The following ACSM4 variants were observed in gnomAD, a reference collection of about 807,000 sequenced individuals.
The protein encoded by ACSM4 is acyl-CoA synthetase medium chain family member 4, also known as acyl-coenzyme A synthetase ACSM4, mitochondrial.
Under a neutral mutation model 73.0 loss-of-function variants are expected in ACSM4, and 66 were observed. That is an observed-to-expected ratio of 0.90 (90% CI 0.74 to 1.11). ACSM4 has a LOEUF of 1.11. Among genes scored for constraint, ACSM4 ranks in the 50% least tolerant of loss-of-function variants. ACSM4 has a pLI of 0.00. For missense variants in ACSM4, 645 were observed against 714.4 expected, an observed-to-expected ratio of 0.90 and a Z score of 1.11; for synonymous variants, 222 against 254.0, an observed-to-expected ratio of 0.87 and a Z score of 1.20.
chr12:7,310,709 A>C lies in ACSM4; in HGVS notation c.583A>C (p.Ser195Arg). The C allele has an allele frequency of 6.2e-7, 1 of 1,613,552 alleles. No homozygotes were observed. ...LKTKLLVSPQ[S>R]WNGWLSFQEL... ...GACAAAACTCCTGGTGTCTCCACAA[A>C]GCTGGAATGGGTGGCTCAGCTTCCA... Residue 195 changes from serine (S) to arginine (R), a missense_variant, in exon 3 of 13, where the codon AGC (serine) becomes CGC (arginine). Transcript: ENST00000399422.
intron 2 of ACSM4, among the ~76,000 whole-genome samples, chr12:7,306,992 C>T (rs1276260754): frequency 3.9e-5 from 6 of 152,146 alleles, no homozygotes; most frequent in South Asian, 2.1e-4. Context: ...TGGTGGCTCA[C>T]GCCTGTAAGC....
At chr12:7,316,586 T>C (rs1235127228) in intron 3 of ACSM4, among the ~76,000 whole-genome samples, 4 of 152,200 alleles carry the variant, frequency 2.6e-5, no homozygotes, top group Non-Finnish European at 5.9e-5. Context: ...CTTGATTGCC[T>C]GATACTTGAA....
In ACSM4 at chr12:7,304,467, A is replaced by C. The variant is rs1946350503; in HGVS notation, c.136A>C (p.Arg46=). The C allele has an allele frequency of 6.2e-7, 1 of 1,614,008 alleles. No individual in the cohort carries two copies. Among genetic ancestry groups the C allele is most frequent in the African/African-American group, 1.3e-5 (1 of 75,056 alleles). Residue 46 remains arginine, a synonymous_variant, in exon 1 of 13, where the codon AGG becomes CGG. Transcript: ENST00000399422. ...CTTTGAAGCCATAAATCGCTGTAAC[A>C]GGCCATTGCCTAAAAACTTTAACTT... The part of the protein sequence containing the change: ...ADFEAINRCN[R]PLPKNFNFAA...
At chr12:7,316,359 C>CT (rs1365282886) in intron 3 of ACSM4, among the ~76,000 whole-genome samples, 2 of 152,194 alleles carry the variant, frequency 1.3e-5, no homozygotes, top group Non-Finnish European at 2.9e-5. Context: ...CACAACAATA[C>CT]TTAAAGGCCA....
chr12:7,323,502 G>T lies in ACSM4; in HGVS notation c.1250G>T (p.Gly417Val). Residue 417 changes from glycine (G) to valine (V), a missense_variant, in exon 9 of 13, where the codon GGG becomes GTG. By Grantham distance (109) the Gly-to-Val change is moderately radical. Transcript: ENST00000399422. ...NGNVLPPGKE[G>V]EIALRLKPTR... ...AATGTTCTACCACCTGGCAAAGAAG[G>T]GGAAATTGCCCTCAGACTCAAACCT... 6.2e-7 allele frequency: 1 copy of T among 1,613,850 alleles called. No homozygotes were observed. The highest frequency in any genetic ancestry group is 1.1e-5 in the South Asian group (1 of 91,080).
At chr12:7,318,714 G>A (rs1946439394) in intron 5 of ACSM4, among the ~76,000 whole-genome samples, 1 of 152,180 alleles carries the variant, frequency 6.6e-6, no homozygotes, top group South Asian at 2.1e-4. Context: ...GCTAGATTGA[G>A]ATATCAGATA....
At position 7,326,974 on chromosome 12, in the gene ACSM4, A is replaced by C; in HGVS notation, c.1537-2A>C. 9 of 1,595,114 alleles carry C rather than the reference A, an allele frequency of 5.6e-6. No individual in the cohort carries two copies. The highest frequency in any genetic ancestry group is 7.7e-6 in the Non-Finnish European group (9 of 1,173,796). Reference sequence around the variant, plus strand: ...CAAGATAAATTAACTTTTCTGTTGCAGGTGGTGAAAGCTTTTGTTGTCTTA... The same window carrying C: ...CAAGATAAATTAACTTTTCTGTTGCCGGTGGTGAAAGCTTTTGTTGTCTTA... On this transcript the variant is annotated splice_acceptor_variant, in intron 11 of 12. Transcript: ENST00000399422. LOFTEE classifies it high-confidence loss of function.
In ACSM4 at chr12:7,327,296, T is replaced by C. The variant is rs59358642; in HGVS notation, c.1656+201T>C. 5.7e-3 allele frequency among the ~76,000 whole-genome samples: 872 copies of C among 152,328 alleles called. 9 individuals carry two copies. The highest frequency in any genetic ancestry group is 0.02 in the African/African-American group (828 of 41,582). The stretch of plus-strand genomic sequence containing the variant: ...GTGAATTATAAACCAGAACCTTTAA[T>C]CAACTCTGCAATACTGAATCACTAC... On this transcript the variant is annotated intron_variant, in intron 12 of 12. Transcript: ENST00000399422.
chr12:7,306,743 G>T lies in ACSM4; in HGVS notation c.412G>T (p.Gly138Trp). 1 of 1,606,620 alleles carries T rather than the reference G, an allele frequency of 6.2e-7. No individual in the cohort carries two copies. Among genetic ancestry groups the T allele is most frequent in the Non-Finnish European group, 8.5e-7 (1 of 1,176,698 alleles). ...GGTCAATGTAGCTTGCATACGAACA[G>T]GTCAGTGCCAATATTAGCATTCTAA... Reference protein sequence around the residue: ...WLVNVACIRTGIIFMPGTIQL... With the variant: ...WLVNVACIRTWIIFMPGTIQL... Residue 138 changes from glycine (G) to tryptophan (W), a missense_variant and splice_region_variant, in exon 2 of 13, where the codon GGG becomes TGG. Gly to Trp is a radical substitution (Grantham distance 184). Transcript: ENST00000399422.
chr12:7,324,288 A>C lies in ACSM4; in HGVS notation c.1324A>C (p.Thr442Pro), dbSNP rs1213066209. 1 of 1,612,876 alleles carries C rather than the reference A, an allele frequency of 6.2e-7. No homozygotes were observed. The highest frequency in any genetic ancestry group is 8.5e-7 in the Non-Finnish European group (1 of 1,179,638). ...FSKYVDNPQK[T>P]AATIRGDFYV... ...TGGTTCCCAGGACAATCCACAGAAAACTGCTGCCACGATAAGAGGAGATTT... is the reference window on the plus strand; with the variant it reads ...TGGTTCCCAGGACAATCCACAGAAACCTGCTGCCACGATAAGAGGAGATTT... Residue 442 changes from threonine to proline, a missense_variant, in exon 10 of 13, where the codon ACT becomes CCT. Thr to Pro is a conservative substitution (Grantham distance 38). Coordinates refer to ENST00000399422, the MANE Select transcript of ACSM4 (RefSeq NM_001080454.2).
At position 7,327,300 on chromosome 12, in the gene ACSM4, C is replaced by T. The variant is rs369647379; in HGVS notation, c.1656+205C>T. ...ATTATAAACCAGAACCTTTAATCAA[C>T]TCTGCAATACTGAATCACTACTAAG... is the stretch of plus-strand genomic sequence containing the variant. On this transcript the variant is annotated intron_variant, in intron 12 of 12. Transcript: ENST00000399422. 4.0e-4 allele frequency among the ~76,000 whole-genome samples: 61 copies of T among 152,280 alleles called. 2 individuals are homozygous for T. The South Asian group carries it at 0.012, about 31-fold the overall frequency.
intron 1 of ACSM4, among the ~76,000 whole-genome samples, chr12:7,305,830 T>G (rs1946358718): frequency 6.6e-6 from 1 of 152,052 alleles, no homozygotes; most frequent in Non-Finnish European, 1.5e-5. Flanking sequence ...GCATTCCAGA[T>G]AGGGGAAAGA....
chr12:7,316,057 CCAGATT>C (rs1005105023), intron 3 of ACSM4, among the ~76,000 whole-genome samples: 5 of 152,094 alleles, frequency 3.3e-5, no homozygotes, highest in African/African-American at 1.2e-4. Flanking sequence ...TGAGATCACC[CCAGATT>C]CAAAGAGAGA....
Position 7,328,574 on chromosome 12 carries a change from T to C in ACSM4, c.*201T>C, listed in dbSNP as rs1218748201. 5.8e-6 allele frequency: 2 copies of C among 347,060 alleles called. No homozygotes were observed. Among genetic ancestry groups the C allele is most frequent in the African/African-American group, 4.4e-5 (2 of 45,968 alleles). 21.5% of individuals were successfully genotyped at this position (347,060 alleles called of 1,614,324 possible). ...AAAAACGTATGGATGAAAATTGTTA[T>C]AATGACCAAACTGACAAAGGTAATG... On this transcript the variant is annotated 3_prime_UTR_variant, in exon 13 of 13. Transcript: ENST00000399422.
At chr12:7,321,030 G>C (rs894558265) in intron 6 of ACSM4, among the ~76,000 whole-genome samples, 2 of 152,122 alleles carry the variant, frequency 1.3e-5, no homozygotes, top group Admixed American at 6.5e-5. Context: ...CTCCCCATTT[G>C]TGAAAATCAA....
At chr12:7,325,254 A>G (rs752235109) in intron 11 of ACSM4, among the ~76,000 whole-genome samples, 1 of 152,390 alleles carries the variant, frequency 6.6e-6, no homozygotes, top group East Asian at 1.9e-4. Context: ...AGTTACTAAA[A>G]AGGAGGAACA....
chr12:7,309,609 C>T (rs1301152534), intron 2 of ACSM4, among the ~76,000 whole-genome samples: 1 of 152,096 alleles, frequency 6.6e-6, no homozygotes, highest in Non-Finnish European at 1.5e-5. Flanking sequence ...CACTATGTTG[C>T]CCAGGCTGGT....
intron 3 of ACSM4, among the ~76,000 whole-genome samples, chr12:7,315,957 C>T (rs1010940865): frequency 7.9e-5 from 12 of 152,200 alleles, no homozygotes; most frequent in African/African-American, 2.6e-4. Context: ...TAAGTTACCC[C>T]GCAGGGAAAA....
intron 3 of ACSM4, among the ~76,000 whole-genome samples, chr12:7,314,559 T>C (rs1361410711): frequency 6.6e-6 from 1 of 152,094 alleles, no homozygotes; most frequent in Non-Finnish European, 1.5e-5. Context: ...GATAGGTAGA[T>C]AGGTGGATGG....
Sources: gnomAD v4.1 joint callset for allele counts (sites outside exome capture counted in the v4.1 genomes callset) on GRCh38, gnomAD v4.1.1 for gene constraint, MANE v1.5 for transcripts, NCBI Gene and HGNC (gene_info 2026-07-23, HGNC 2026-07-21) for gene names.